Variants in CCSER2 observed in about 807,000 individuals in gnomAD.
CCSER2 encodes coiled-coil serine rich protein 2.
A neutral mutation model predicts 92.3 loss-of-function variants in CCSER2; 46 were observed. The ratio of observed to expected loss-of-function variants is 0.50; its 90% CI spans 0.39 to 0.64. The LOEUF (loss-of-function observed/expected upper bound fraction) is 0.64, where lower values mean the gene tolerates loss of function less well. Ranked by LOEUF, CCSER2 falls within the 30% of genes least tolerant of loss-of-function variation. The pLI, the probability that CCSER2 is intolerant of heterozygous loss-of-function variation, is 0.00. For missense variants in CCSER2, 1,244 were observed against 1,238.9 expected (o/e 1.00, Z -0.06); for synonymous variants, 433 against 431.4 (o/e 1.00, Z -0.04).
At chr10:84,433,129 CTTGAAG>C (rs1405894231) in intron 5 of CCSER2, among the ~76,000 whole-genome samples, 1 of 152,076 alleles carries the variant, frequency 6.6e-6, no homozygotes, top group Non-Finnish European at 1.5e-5. Context: ...TATAGTAAGT[CTTGAAG>C]TTGAGTAGTG....
At chr10:84,397,104 C>T (rs1841884966) in intron 3 of CCSER2, among the ~76,000 whole-genome samples, 1 of 152,180 alleles carries the variant, frequency 6.6e-6, no homozygotes, top group African/African-American at 2.4e-5. Context: ...GTCAGTATTA[C>T]TATATGAAAG....
intron 3 of CCSER2, chr10:84,390,979 A>G: frequency 1.3e-6 from 1 of 768,374 alleles, no homozygotes; most frequent in Non-Finnish European, 2.4e-6. Context: ...CTTTGCATTT[A>G]GTAAATACCA....
chr10:84,484,470 T>C (rs71487113), intron 9 of CCSER2, among the ~76,000 whole-genome samples: 1 of 146,242 alleles, frequency 6.8e-6, no homozygotes. Context: ...GGAGAGACGT[T>C]GCATGCATGT....
intron 9 of CCSER2, among the ~76,000 whole-genome samples, chr10:84,494,240 T>G (rs1307095174): frequency 6.6e-6 from 1 of 152,192 alleles, no homozygotes; most frequent in Non-Finnish European, 1.5e-5. Flanking sequence ...GACATTCCGA[T>G]GGCATTTGTG....
intron 1 of CCSER2, among the ~76,000 whole-genome samples, chr10:84,357,176 G>T (rs1428775833): frequency 6.6e-6 from 1 of 152,166 alleles, no homozygotes; most frequent in African/African-American, 2.4e-5. Flanking sequence ...TTTGGCTTCT[G>T]CAAAGACGGT....
chr10:84,426,043 G>T, intron 5 of CCSER2, 150 bp downstream of exon 5: 1 of 436,274 alleles, frequency 2.3e-6, no homozygotes, highest in East Asian at 3.5e-5. Context: ...GGTACTAATT[G>T]GAATAATATG....
rs1293295973 is a variant in CCSER2 at position 84,516,573 on chromosome 10, A to C, written c.*2306A>C. 3 of 152,238 alleles carry C rather than the reference A, an allele frequency of 2.0e-5. No individual in the cohort carries two copies. In the East Asian group the frequency reaches 5.8e-4, roughly 29 times the overall value. The allele number at this position is 152,238 out of a possible 1,614,324, so 9.4% of individuals were successfully genotyped here. A position where few individuals can be genotyped will look rare whatever the true frequency, so the allele number is the denominator to read the frequency against. On this transcript the variant is annotated 3_prime_UTR_variant, in exon 10 of 10. Transcript: ENST00000372088. ...AAGTTGGTTTAGACCCTTATGAAAC[A>C]TTATTTACGAGTTGGCCTTATCCTT...
chr10:84,338,972 A>G (rs760161958), intron 1 of CCSER2, among the ~76,000 whole-genome samples: 2 of 152,116 alleles, frequency 1.3e-5, no homozygotes, highest in Non-Finnish European at 2.9e-5. Context: ...GTCTTTCTCC[A>G]GATTTTCTTC....
intron 3 of CCSER2, among the ~76,000 whole-genome samples, chr10:84,377,526 T>C (rs1287253006): frequency 6.6e-6 from 1 of 152,232 alleles, no homozygotes; most frequent in Non-Finnish European, 1.5e-5. Flanking sequence ...TATGTTATTT[T>C]CATTATCGTA....
At chr10:84,379,312 G>T (rs1840766437) in intron 3 of CCSER2, among the ~76,000 whole-genome samples, 1 of 151,972 alleles carries the variant, frequency 6.6e-6, no homozygotes, top group African/African-American at 2.4e-5. Context: ...ACTGGTTATT[G>T]GTGTTTCCTC....
At position 84,425,748 on chromosome 10, in the gene CCSER2, A is replaced by C; in HGVS notation, c.1723A>C (p.Asn575His). The change falls in exon 5 of 10, where the codon AAC becomes CAC. Residue 575 changes from asparagine to histidine, a missense_variant. Transcript: ENST00000372088. ...PLENVECDNMNRFDRPDRNVR... is the reference protein window; with the variant it reads ...PLENVECDNMHRFDRPDRNVR... ...CTGTCTAGTGGAGTGTGACAATATGAACCGCTTTGACCGACCAGACAGAAA... is the reference window on the plus strand; with the variant it reads ...CTGTCTAGTGGAGTGTGACAATATGCACCGCTTTGACCGACCAGACAGAAA... 1 of 1,610,568 alleles carries C rather than the reference A, an allele frequency of 6.2e-7. No individual in the cohort carries two copies. Among genetic ancestry groups the C allele is most frequent in the Non-Finnish European group, 8.5e-7 (1 of 1,177,970 alleles).
At chr10:84,413,335 G>T (rs1410411646) in intron 3 of CCSER2, among the ~76,000 whole-genome samples, 2 of 151,948 alleles carry the variant, frequency 1.3e-5, no homozygotes, top group Non-Finnish European at 2.9e-5. Flanking sequence ...TCCCAGAGAT[G>T]GTGGTATGTT....
chr10:84,407,928 G>A (rs1396464496), intron 3 of CCSER2, among the ~76,000 whole-genome samples: 2 of 152,208 alleles, frequency 1.3e-5, no homozygotes, highest in East Asian at 3.9e-4. Flanking sequence ...GGGAGAACAG[G>A]GCAGTCACCC....
intron 1 of CCSER2, among the ~76,000 whole-genome samples, chr10:84,368,442 C>T (rs1033485955): frequency 2.6e-5 from 4 of 151,512 alleles, no homozygotes; most frequent in African/African-American, 7.3e-5. Flanking sequence ...GGTAACAGGA[C>T]GTTCTTTAGT....
intron 5 of CCSER2, among the ~76,000 whole-genome samples, chr10:84,429,748 T>C (rs1307103369): frequency 1.3e-5 from 2 of 152,096 alleles, no homozygotes; most frequent in African/African-American, 4.8e-5. Flanking sequence ...CAGATTAATG[T>C]TTTTCATCAA....
chr10:84,447,675 A>C (rs1183005700), intron 6 of CCSER2, among the ~76,000 whole-genome samples: 1 of 152,206 alleles, frequency 6.6e-6, no homozygotes, highest in Admixed American at 6.5e-5. Context: ...TGACCTTCAC[A>C]ATTAAATCTC....
intron 1 of CCSER2, among the ~76,000 whole-genome samples, chr10:84,347,861 C>G (rs971341171): frequency 6.6e-6 from 1 of 151,898 alleles, no homozygotes; most frequent in Non-Finnish European, 1.5e-5. Flanking sequence ...GACGGGGCGG[C>G]GGGGCAGAGG....
At position 84,438,589 on chromosome 10, in the gene CCSER2, T is replaced by A; in HGVS notation, c.1946T>A (p.Met649Lys). The part of the protein sequence containing the change: ...GGMPFFQAQK[M>K]FVDVPENTVI... ...ATGCCCTTTTTCCAGGCTCAGAAGA[T>A]GTTTGTTGATGTACCAGAAAATACA... Residue 649 changes from methionine (M) to lysine (K), a missense_variant, in exon 6 of 10, where the codon ATG becomes AAG. Transcript: ENST00000372088. 1.9e-6 allele frequency: 3 copies of A among 1,613,478 alleles called. No homozygotes were observed. Among genetic ancestry groups the A allele is most frequent in the Non-Finnish European group, 2.5e-6 (3 of 1,179,452 alleles).
chr10:84,507,008 C>G (rs1228294523), intron 9 of CCSER2, among the ~76,000 whole-genome samples: 3 of 152,002 alleles, frequency 2.0e-5, no homozygotes, highest in African/African-American at 7.3e-5. Flanking sequence ...CAAGTGATTC[C>G]TCTTAAGTGT....
Sources: allele counts gnomAD v4.1 joint callset (sites outside exome capture counted in the v4.1 genomes callset), GRCh38; gene constraint gnomAD v4.1.1; transcripts MANE v1.5; gene names NCBI Gene and HGNC (gene_info 2026-07-23, HGNC 2026-07-21).